Variants in MICU2 observed in about 807,000 individuals in gnomAD.
MICU2 encodes calcium uptake protein 2, mitochondrial.
In MICU2, 64 loss-of-function variants were observed where a neutral mutation model predicts 60.4. That is an observed-to-expected ratio of 1.06 (90% CI 0.87 to 1.31). MICU2 has a LOEUF of 1.31. Among genes scored for constraint, MICU2 ranks in the 50% most tolerant of loss-of-function variants. The pLI, the probability that MICU2 is intolerant of heterozygous loss-of-function variation, is 0.00. For missense variants in MICU2, 569 were observed against 531.0 expected, an observed-to-expected ratio of 1.07 and a Z score of -0.70; for synonymous variants, 201 against 175.0, an observed-to-expected ratio of 1.15 and a Z score of -1.17.
At chr13:21,575,054 T>C (rs1043345386) in intron 1 of MICU2, among the ~76,000 whole-genome samples, 5 of 152,198 alleles carry the variant, frequency 3.3e-5, no homozygotes, top group Non-Finnish European at 7.3e-5. Context: ...TTCTGAAATA[T>C]CGTCTGATCT....
intron 4 of MICU2, among the ~76,000 whole-genome samples, chr13:21,527,700 G>C (rs933194623): frequency 2.6e-5 from 4 of 152,152 alleles, no homozygotes; most frequent in African/African-American, 9.7e-5. Flanking sequence ...AACTGCATTA[G>C]GACAGTATTT....
At chr13:21,501,266 GTCTT>G (rs1374616115) in intron 9 of MICU2, among the ~76,000 whole-genome samples, 2 of 150,636 alleles carry the variant, frequency 1.3e-5, no homozygotes, top group Non-Finnish European at 2.9e-5. Context: ...TTCATATAAA[GTCTT>G]TTTTTTTTTT....
chr13:21,508,624 C>A (rs1886352942), intron 8 of MICU2, among the ~76,000 whole-genome samples: 1 of 152,198 alleles, frequency 6.6e-6, no homozygotes, highest in South Asian at 2.1e-4. Flanking sequence ...TAAGTTCATA[C>A]TTCCCAGCCT....
At chr13:21,545,725 T>C (rs923283904) in intron 2 of MICU2, among the ~76,000 whole-genome samples, 2 of 151,272 alleles carry the variant, frequency 1.3e-5, no homozygotes, top group Admixed American at 1.3e-4. Context: ...CAGAGTATAC[T>C]AGAGGCTGGG....
intron 2 of MICU2, among the ~76,000 whole-genome samples, chr13:21,542,785 A>T (rs550149334): frequency 6.6e-5 from 10 of 152,336 alleles, no homozygotes; most frequent in African/African-American, 2.4e-4. Flanking sequence ...CAGAGGATTT[A>T]TGAAGTAAAA....
chr13:21,518,761 C>A (rs181578373), intron 6 of MICU2, among the ~76,000 whole-genome samples: 10 of 152,268 alleles, frequency 6.6e-5, no homozygotes, highest in Admixed American at 5.9e-4. Context: ...AGTGAAGTAG[C>A]TGGATGGTAT....
intron 2 of MICU2, among the ~76,000 whole-genome samples, chr13:21,564,731 T>C (rs1175449054): frequency 1.3e-5 from 2 of 152,318 alleles, no homozygotes; most frequent in South Asian, 4.1e-4. Flanking sequence ...TGAAATGCTC[T>C]GGGAGTATCT....
intron 2 of MICU2, among the ~76,000 whole-genome samples, chr13:21,551,893 T>C (rs1179578562): frequency 1.3e-5 from 2 of 152,186 alleles, no homozygotes; most frequent in African/African-American, 2.4e-5. Context: ...GCAGTAAACA[T>C]ACGTGTGCAT....
At chr13:21,566,500 AT>A (rs374021304) in intron 2 of MICU2, among the ~76,000 whole-genome samples, 5,089 of 146,978 alleles carry the variant, frequency 0.035, 281 homozygotes, top group African/African-American at 0.12. Context: ...ATCTAGTTTC[AT>A]TTTTTTTTTT....
intron 8 of MICU2, among the ~76,000 whole-genome samples, chr13:21,508,128 CTTT>C (rs796385356): frequency 5.1e-5 from 7 of 136,868 alleles, no homozygotes; most frequent in Non-Finnish European, 8.0e-5. Context: ...GCTCTTCTTT[CTTT>C]TTTTTTTTTT....
intron 4 of MICU2, among the ~76,000 whole-genome samples, chr13:21,534,083 A>G (rs901342266): frequency 2.0e-5 from 3 of 152,164 alleles, no homozygotes; most frequent in East Asian, 1.9e-4. Flanking sequence ...CTGTCTAAAA[A>G]AAAAAAAAAA....
chr13:21,521,204 G>T, intron 6 of MICU2, 41 bp downstream of exon 6: 1 of 1,392,042 alleles, frequency 7.2e-7, no homozygotes, highest in South Asian at 1.3e-5. Context: ...CAAACATCCA[G>T]GTATTTTATG....
intron 4 of MICU2, chr13:21,531,254 G>C: frequency 5.2e-6 from 7 of 1,338,396 alleles, no homozygotes; most frequent in Non-Finnish European, 7.5e-6. Flanking sequence ...AGGAATATTG[G>C]AGATAGATTG....
intron 2 of MICU2, among the ~76,000 whole-genome samples, chr13:21,554,091 T>C (rs1279598341): frequency 6.6e-6 from 1 of 152,100 alleles, no homozygotes; most frequent in Non-Finnish European, 1.5e-5. Flanking sequence ...TGGGAGACTT[T>C]AACACCCCAC....
chr13:21,503,652 CT>C (rs1252664760), intron 8 of MICU2, among the ~76,000 whole-genome samples: 2 of 152,184 alleles, frequency 1.3e-5, no homozygotes, highest in Admixed American at 6.5e-5. Context: ...ACATTCCTTT[CT>C]TACAAAAACA....
At chr13:21,563,283 GTC>G (rs1211112502) in intron 2 of MICU2, among the ~76,000 whole-genome samples, 4 of 151,880 alleles carry the variant, frequency 2.6e-5, no homozygotes, top group African/African-American at 9.7e-5. Context: ...GTGAAACCCT[GTC>G]TCTACTAAAA....
chr13:21,497,534 C>T (rs1593311906), intron 9 of MICU2, among the ~76,000 whole-genome samples: 1 of 151,800 alleles, frequency 6.6e-6, no homozygotes, highest in Non-Finnish European at 1.5e-5. Context: ...CATGGTGAAA[C>T]CCCCATCTCT....
At chr13:21,571,828 G>A (rs1413776557) in intron 1 of MICU2, among the ~76,000 whole-genome samples, 1 of 152,238 alleles carries the variant, frequency 6.6e-6, no homozygotes, top group Non-Finnish European at 1.5e-5. Flanking sequence ...TCTGACAGCT[G>A]GGGAGCCAGA....
At chr13:21,557,325 A>G (rs1389509119) in intron 2 of MICU2, among the ~76,000 whole-genome samples, 8 of 152,172 alleles carry the variant, frequency 5.3e-5, no homozygotes. Context: ...ATTCAGTAGA[A>G]AAGAACGTAA....
Sources: allele counts gnomAD v4.1 joint callset (sites outside exome capture counted in the v4.1 genomes callset), GRCh38; gene constraint gnomAD v4.1.1; transcripts MANE v1.5; gene names NCBI Gene and HGNC (gene_info 2026-07-23, HGNC 2026-07-21).